The following SEC14L5 variants were observed in gnomAD, a reference collection of about 807,000 sequenced individuals.
SEC14L5 encodes SEC14 like lipid binding 5.
SEC14L5 carries 96 observed loss-of-function variants against 84.6 expected under a neutral mutation model. The ratio of observed to expected loss-of-function variants is 1.13; its 90% CI spans 0.96 to 1.34. The LOEUF is 1.34. SEC14L5 is among the 40% of genes most tolerant of loss of function. The pLI, the probability that SEC14L5 is intolerant of heterozygous loss-of-function variation, is 0.00. For missense variants in SEC14L5, 1,224 were observed against 942.5 expected, an observed-to-expected ratio of 1.30 and a Z score of -3.91; for synonymous variants, 546 against 383.4, an observed-to-expected ratio of 1.42 and a Z score of -4.95.
intron 2 of SEC14L5, among the ~76,000 whole-genome samples, chr16:4,983,817 C>T (rs1054102287): frequency 2.0e-5 from 3 of 151,530 alleles, no homozygotes; most frequent in Admixed American, 2.0e-4. Context: ...GTGGAGGTTG[C>T]AGTGAGCCGA....
chr16:4,964,942 G>C (rs1234835610), intron 2 of SEC14L5, among the ~76,000 whole-genome samples: 4 of 151,834 alleles, frequency 2.6e-5, no homozygotes, highest in African/African-American at 9.7e-5. Flanking sequence ...TGTTGGTCAG[G>C]CTGGTCTCGA....
chr16:4,974,892 C>G (rs1298893367), intron 2 of SEC14L5, among the ~76,000 whole-genome samples: 2 of 152,004 alleles, frequency 1.3e-5, no homozygotes, highest in Non-Finnish European at 2.9e-5. Context: ...ATTCTCCTGC[C>G]TCAGCCTCCT....
At chr16:4,961,023 G>C (rs1297140948) in intron 2 of SEC14L5, among the ~76,000 whole-genome samples, 1 of 152,146 alleles carries the variant, frequency 6.6e-6, no homozygotes, top group Non-Finnish European at 1.5e-5. Context: ...TGTAATCCCA[G>C]CGCTTTGGGA....
chr16:4,983,801 T>C (rs1202552872), intron 2 of SEC14L5, among the ~76,000 whole-genome samples: 2 of 151,770 alleles, frequency 1.3e-5, no homozygotes, highest in East Asian at 3.9e-4. Flanking sequence ...CGCTTGAACC[T>C]GGGAGGTGGA....
intron 2 of SEC14L5, among the ~76,000 whole-genome samples, chr16:4,984,569 T>C (rs1218415292): frequency 6.6e-6 from 1 of 152,220 alleles, no homozygotes; most frequent in Non-Finnish European, 1.5e-5. Flanking sequence ...AATTGCTGGA[T>C]CATATGGTAA....
intron 2 of SEC14L5, among the ~76,000 whole-genome samples, chr16:4,972,412 C>G (rs1005788500): frequency 2.0e-5 from 3 of 152,214 alleles, no homozygotes; most frequent in Non-Finnish European, 2.9e-5. Flanking sequence ...TATTGTGCAA[C>G]TGTCTCCACT....
chr16:5,005,171 C>T (rs1955716704), intron 11 of SEC14L5, among the ~76,000 whole-genome samples: 1 of 152,086 alleles, frequency 6.6e-6, no homozygotes, highest in African/African-American at 2.4e-5. Context: ...AAAAATTAGC[C>T]AGGCATGGTG....
intron 11 of SEC14L5, among the ~76,000 whole-genome samples, chr16:5,004,720 C>T (rs1955712527): frequency 6.6e-6 from 1 of 152,186 alleles, no homozygotes; most frequent in African/African-American, 2.4e-5. Flanking sequence ...TGGCTTGTGG[C>T]ATTCCCTGTA....
intron 2 of SEC14L5, among the ~76,000 whole-genome samples, chr16:4,977,238 G>T (rs964887999): frequency 2.6e-5 from 4 of 152,086 alleles, no homozygotes; most frequent in Admixed American, 6.6e-5. Context: ...CTTGAGGTCA[G>T]GAGTTCGAGA....
At chr16:4,987,752 G>C (rs2972260) in intron 3 of SEC14L5, 46 bp downstream of exon 3, 155,141 of 1,385,694 alleles carry the variant, frequency 0.11, 9,761 homozygotes, top group Middle Eastern at 0.13. Context: ...ACCTGTTGCG[G>C]AGGTGCGGGA....
intron 14 of SEC14L5, among the ~76,000 whole-genome samples, chr16:5,010,280 C>T (rs1955784463): frequency 1.4e-5 from 2 of 148,038 alleles, no homozygotes; most frequent in South Asian, 2.2e-4. Context: ...AGGAGAATCG[C>T]TTGAACCTAG....
chr16:5,007,599 TTTCTTTC>T, intron 13 of SEC14L5, 113 bp downstream of exon 13: 1 of 882,706 alleles, frequency 1.1e-6, no homozygotes, highest in East Asian at 2.7e-5. Flanking sequence ...TCTTTCTTTC[TTTCTTTC>T]TTTTTTTTTT....
At chr16:5,003,617 GGGA>G in intron 11 of SEC14L5, 44 bp downstream of exon 11, 2 of 592,398 alleles carry the variant, frequency 3.4e-6, no homozygotes, top group Non-Finnish European at 5.7e-6. Flanking sequence ...GGGGGTGGGT[GGGA>G]TGGGAGGGGT....
intron 2 of SEC14L5, among the ~76,000 whole-genome samples, chr16:4,965,389 C>T (rs568136845): frequency 1.3e-5 from 2 of 152,182 alleles, no homozygotes; most frequent in South Asian, 2.1e-4. Context: ...TGGCCAGGCG[C>T]GGTGGCTCAC....
chr16:4,985,706 C>T (rs1438763244), intron 2 of SEC14L5, among the ~76,000 whole-genome samples: 2 of 151,648 alleles, frequency 1.3e-5, no homozygotes, highest in African/African-American at 4.8e-5. Flanking sequence ...TCCCCTTATG[C>T]CAGTATCACA....
chr16:5,012,450 C>A (rs995395123), intron 15 of SEC14L5, among the ~76,000 whole-genome samples: 1 of 152,164 alleles, frequency 6.6e-6, no homozygotes, highest in Admixed American at 6.5e-5. Flanking sequence ...TTCCTGGTCG[C>A]CCTCAGGGGG....
chr16:5,005,618 T>G (rs1159911854), intron 11 of SEC14L5, among the ~76,000 whole-genome samples: 1 of 151,926 alleles, frequency 6.6e-6, no homozygotes, highest in East Asian at 1.9e-4. Flanking sequence ...TCCCAGCACT[T>G]TGGGAGGCCG....
intron 8 of SEC14L5, among the ~76,000 whole-genome samples, chr16:4,999,790 C>G (rs145528013): frequency 6.6e-6 from 1 of 151,778 alleles, no homozygotes; most frequent in African/African-American, 2.4e-5. Flanking sequence ...TGGTGCATGC[C>G]GGTAGTCCCA....
rs565323691 is a variant in SEC14L5 at position 5,016,919 on chromosome 16, A to C, written c.*1949A>C. The C allele has an allele frequency of 1.1e-4, 17 of 152,380 alleles. No homozygotes were observed. Among genetic ancestry groups the C allele is most frequent in the Admixed American group, 1.0e-3 (16 of 15,308 alleles). 9.4% of individuals were successfully genotyped at this position (152,380 alleles called of 1,614,324 possible). On this transcript the variant is annotated 3_prime_UTR_variant, in exon 16 of 16. Coordinates refer to ENST00000251170, the MANE Select transcript of SEC14L5 (RefSeq NM_014692.2). Reference sequence around the variant, plus strand: ...TCAAGGTGTGTGTGCACATGTGTGCATAAGAGACCGACTGATTGGAAGGAG... The same window carrying C: ...TCAAGGTGTGTGTGCACATGTGTGCCTAAGAGACCGACTGATTGGAAGGAG...
Sources: gnomAD v4.1 joint callset for allele counts (sites outside exome capture counted in the v4.1 genomes callset) on GRCh38, gnomAD v4.1.1 for gene constraint, MANE v1.5 for transcripts, NCBI Gene and HGNC (gene_info 2026-07-23, HGNC 2026-07-21) for gene names.